Variants in SPTBN1 observed in about 807,000 individuals in gnomAD.
SPTBN1 encodes the protein spectrin beta chain, non-erythrocytic 1.
A neutral mutation model predicts 266.4 loss-of-function variants in SPTBN1; 32 were observed. The ratio of observed to expected loss-of-function variants is 0.12; its 90% CI spans 0.09 to 0.16. The LOEUF is 0.16. Among genes scored for constraint, SPTBN1 ranks in the 10% least tolerant of loss-of-function variants. SPTBN1 has a pLI of 1.00. For missense variants in SPTBN1, 2,296 were observed against 3,067.1 expected (o/e 0.75, Z 5.94); for synonymous variants, 1,336 against 1,162.2 (o/e 1.15, Z -3.04).
At chr2:54,537,580 G>C (rs940805690) in intron 2 of SPTBN1, among the ~76,000 whole-genome samples, 1 of 152,232 alleles carries the variant, frequency 6.6e-6, no homozygotes, top group Non-Finnish European at 1.5e-5. Context: ...GCATTTTATA[G>C]TAGGACTTTT....
At chr2:54,506,135 A>G (rs1669542449) in intron 1 of SPTBN1, among the ~76,000 whole-genome samples, 1 of 139,636 alleles carries the variant, frequency 7.2e-6, no homozygotes, top group Non-Finnish European at 1.6e-5. Context: ...AAATAAATAA[A>G]TAAATAAATA....
intron 3 of SPTBN1, among the ~76,000 whole-genome samples, chr2:54,603,449 A>C (rs938855972): frequency 3.3e-5 from 5 of 152,202 alleles, no homozygotes; most frequent in African/African-American, 1.2e-4. Flanking sequence ...TGCTTTACAG[A>C]AAACAGTTAC....
chr2:54,553,267 G>A (rs1423349438), intron 2 of SPTBN1, among the ~76,000 whole-genome samples: 1 of 152,200 alleles, frequency 6.6e-6, no homozygotes, highest in Non-Finnish European at 1.5e-5. Context: ...CTCTTTGGGA[G>A]TTAGTGGAAA....
intron 2 of SPTBN1, among the ~76,000 whole-genome samples, chr2:54,589,505 C>T (rs189659019): frequency 1.3e-5 from 2 of 152,290 alleles, no homozygotes; most frequent in Non-Finnish European, 1.5e-5. Context: ...GTTTTGTAGT[C>T]GGCCCATCAG....
intron 1 of SPTBN1, among the ~76,000 whole-genome samples, chr2:54,460,216 C>G (rs1693289876): frequency 6.6e-6 from 1 of 152,204 alleles, no homozygotes; most frequent in Non-Finnish European, 1.5e-5. Flanking sequence ...AAACTCTATT[C>G]TGTTCCTTCA....
At chr2:54,611,315 A>C (rs1351801899) in intron 3 of SPTBN1, among the ~76,000 whole-genome samples, 3 of 152,194 alleles carry the variant, frequency 2.0e-5, no homozygotes, top group Non-Finnish European at 4.4e-5. Flanking sequence ...GTATAAGTGC[A>C]TTTGAATAGT....
Position 54,653,692 on chromosome 2 carries a change from C to A in SPTBN1, c.5661C>A (p.Asn1887Lys). 2 of 1,614,172 alleles carry A rather than the reference C, an allele frequency of 1.2e-6. No homozygotes were observed. The highest frequency in any genetic ancestry group is 1.7e-6 in the Non-Finnish European group (2 of 1,180,016). ...DKADDIQKRE[N>K]EVLEAWKSLL... ...CCGACGATATCCAGAAGCGCGAGAA[C>A]GAGGTCCTGGAAGCCTGGAAGTCCC... The change falls in exon 27 of 36, where the codon AAC becomes AAA. Residue 1887 changes from asparagine to lysine, a missense_variant. Transcript: ENST00000356805. This position sits in a 1 kb window ranked among gnomAD's most constrained non-coding sequence, Gnocchi z 5.1.
At chr2:54,557,425 A>G (rs534945437) in intron 2 of SPTBN1, among the ~76,000 whole-genome samples, 88 of 149,186 alleles carry the variant, frequency 5.9e-4, no homozygotes, top group African/African-American at 2.2e-3. Flanking sequence ...GAGAGGGGGG[A>G]GATCTAGAGT....
chr2:54,460,313 G>T (rs941646304), intron 1 of SPTBN1, among the ~76,000 whole-genome samples: 1 of 152,006 alleles, frequency 6.6e-6, no homozygotes, highest in Non-Finnish European at 1.5e-5. Context: ...CTTGATGGTG[G>T]TGACAAAAGT....
At chr2:54,526,620 C>T (rs1670831887) in intron 2 of SPTBN1, 54 bp downstream of exon 2, 1 of 1,571,014 alleles carries the variant, frequency 6.4e-7, no homozygotes. Context: ...TCAGGATGCC[C>T]CTTAAAATCA....
Position 54,629,669 on chromosome 2 carries a change from C to G in SPTBN1, c.2535C>G (p.Leu845=). ...AELTRLRKQA[L]QDTLALYKMF... ...TGACGCGGCTGCGGAAGCAGGCACT[C>G]CAGGACACTCTGGCCCTGTACAAGA... The change falls in exon 14 of 36, where the codon CTC becomes CTG. Residue 845 remains leucine (L), a synonymous_variant. Coordinates refer to ENST00000356805, the MANE Select transcript of SPTBN1 (RefSeq NM_003128.3). 6.2e-7 allele frequency: 1 copy of G among 1,613,832 alleles called. No individual in the cohort carries two copies. The highest frequency in any genetic ancestry group is 8.5e-7 in the Non-Finnish European group (1 of 1,179,964).
At chr2:54,582,293 G>C (rs892823768) in intron 2 of SPTBN1, among the ~76,000 whole-genome samples, 1 of 152,140 alleles carries the variant, frequency 6.6e-6, no homozygotes, top group African/African-American at 2.4e-5. Flanking sequence ...GGAAGGTGTC[G>C]ATCTTGGTTC....
chr2:54,543,451 A>G (rs1020456772), intron 2 of SPTBN1, among the ~76,000 whole-genome samples: 16 of 152,152 alleles, frequency 1.1e-4, no homozygotes, highest in Non-Finnish European at 2.2e-4. Flanking sequence ...GCCAAGGAGG[A>G]GGCAGGAACA....
Position 54,626,121 on chromosome 2 carries a change from G to A in SPTBN1, c.1531G>A (p.Glu511Lys). The A allele has an allele frequency of 1.2e-6, 2 of 1,614,208 alleles. No homozygotes were observed. Among genetic ancestry groups the A allele is most frequent in the Non-Finnish European group, 8.5e-7 (1 of 1,180,040 alleles). The change falls in exon 12 of 36, where the codon GAA becomes AAA. Residue 511 changes from glutamate (E) to lysine (K), a missense_variant. Transcript: ENST00000356805. The surrounding 1 kb of genome is among the most constrained non-coding windows in gnomAD (Gnocchi z 4.7). ...GAAGGACAATGTCATCCGGCTCTGG[G>A]AATACCTACTGGAACTGCTCAGGGC... The part of the protein sequence containing the change: ...ARKDNVIRLW[E>K]YLLELLRARR...
intron 1 of SPTBN1, among the ~76,000 whole-genome samples, chr2:54,518,660 G>C (rs987130158): frequency 6.6e-6 from 1 of 152,162 alleles, no homozygotes; most frequent in Admixed American, 6.5e-5. Flanking sequence ...AGTGTTTTAA[G>C]TGTTTGCAGA....
chr2:54,541,324 C>T (rs1417062110), intron 2 of SPTBN1, among the ~76,000 whole-genome samples: 5 of 152,178 alleles, frequency 3.3e-5, no homozygotes, highest in Admixed American at 1.3e-4. Context: ...TGGAATTATA[C>T]TCATTGTCTC....
At chr2:54,564,740 G>T (rs754238035) in intron 2 of SPTBN1, among the ~76,000 whole-genome samples, 9 of 152,190 alleles carry the variant, frequency 5.9e-5, no homozygotes, top group Non-Finnish European at 2.9e-5. Flanking sequence ...AGGTTGGGGA[G>T]GTCAACATCC....
At chr2:54,559,693 A>G (rs981021932) in intron 2 of SPTBN1, among the ~76,000 whole-genome samples, 6 of 152,164 alleles carry the variant, frequency 3.9e-5, no homozygotes, top group Admixed American at 6.5e-5. Flanking sequence ...GAGCTTATAC[A>G]TGAAAAAAGG....
At position 54,664,337 on chromosome 2, in the gene SPTBN1, C is replaced by G. The variant is rs1681234745; in HGVS notation, c.6421-116C>G. The G allele has an allele frequency of 9.4e-7, 1 of 1,060,434 alleles. No individual in the cohort carries two copies. The allele number at this position is 1,060,434 out of a possible 1,614,324, so 65.7% of individuals were successfully genotyped here. ...GTGGGTGTGCAATGGTTTTACTGTA[C>G]TGCCTCGATCTGTGCCAGGCATTTA... On this transcript the variant is annotated intron_variant, in intron 32 of 35. Coordinates refer to ENST00000356805, the MANE Select transcript of SPTBN1 (RefSeq NM_003128.3). This position sits in a 1 kb window ranked among gnomAD's most constrained non-coding sequence, Gnocchi z 5.6.
Sources: gnomAD v4.1 joint callset for allele counts (sites outside exome capture counted in the v4.1 genomes callset) on GRCh38, gnomAD v4.1.1 for gene constraint, Gnocchi (gnomAD v3.1) non-coding constraint, MANE v1.5 for transcripts, NCBI Gene and HGNC (gene_info 2026-07-23, HGNC 2026-07-21) for gene names.